The following MAGEB3 variants were observed in gnomAD, a reference collection of about 807,000 sequenced individuals.
The protein encoded by MAGEB3 is MAGE family member B3, also known as melanoma-associated antigen B3.
For missense variants in MAGEB3, 191 were observed against 262.4 expected (o/e 0.73, Z 1.88); for synonymous variants, 91 against 93.0 (o/e 0.98, Z 0.12).
chrX:30,234,442 G>A (rs1601961601), intron 4 of MAGEB3, among the ~76,000 whole-genome samples: 1 of 110,855 alleles, frequency 9.0e-6, no homozygotes, highest in South Asian at 3.9e-4. Flanking sequence ...GAGGGGCACG[G>A]GATCTCTTCG....
At chrX:30,232,578 G>A (rs1244199697) in intron 2 of MAGEB3, among the ~76,000 whole-genome samples, 13 of 104,654 alleles carry the variant, frequency 1.2e-4, no homozygotes, top group Non-Finnish European at 5.9e-5. Flanking sequence ...CCAAGGTCAC[G>A]CCACTGCGCT....
chrX:30,235,769 C>G (rs1924957538), intron 4 of MAGEB3, 95 bp from the exon 5 acceptor site: 2 of 450,778 alleles, frequency 4.4e-6, no homozygotes, highest in South Asian at 3.7e-5. Flanking sequence ...GAGCAGTGCT[C>G]TCACAGAAAA....
rs150723962 is a variant in MAGEB3 at position 30,236,491 on chromosome X, T to C, written c.567T>C (p.Asn189=). 4.4e-4 allele frequency: 532 copies of C among 1,210,241 alleles called. No homozygotes were observed. Among genetic ancestry groups the C allele is most frequent in the Non-Finnish European group, 5.7e-4 (507 of 895,064 alleles). The part of the protein sequence containing the change: ...VLVSKMDLPN[N]GTVTRGRGFP... ...TCAGCAAAATGGATCTCCCCAACAA[T>C]GGGACAGTGACTCGTGGGAGGGGAT... Residue 189 remains asparagine (N), a synonymous_variant, in exon 5 of 5, where the codon AAT becomes AAC. Coordinates refer to ENST00000361644, the MANE Select transcript of MAGEB3 (RefSeq NM_002365.5).
chrX:30,232,860 T>G lies in MAGEB3; in HGVS notation c.-220T>G, dbSNP rs1393247805. 9.1e-6 allele frequency: 1 copy of G among 110,355 alleles called. No individual in the cohort carries two copies. Among genetic ancestry groups the G allele is most frequent in the Non-Finnish European group, 1.9e-5 (1 of 52,797 alleles). The allele number at this position is 110,355 out of a possible 1,213,427, so 9.1% of individuals were successfully genotyped here. A position where few individuals can be genotyped will look rare whatever the true frequency, so the allele number is the denominator to read the frequency against. ...GTGGCTCACGCTTGTAATCCCAACA[T>G]TTTGGGCGGAGGAAGCCAGCCTCAT... On this transcript the variant is annotated 5_prime_UTR_variant, in exon 3 of 5. Coordinates refer to ENST00000361644, the MANE Select transcript of MAGEB3 (RefSeq NM_002365.5).
chrX:30,236,835 A>T lies in MAGEB3; in HGVS notation c.911A>T (p.Gln304Leu), dbSNP rs1321976299. The T allele has an allele frequency of 2.5e-6, 3 of 1,210,379 alleles. No homozygotes were observed. The highest frequency in any genetic ancestry group is 3.5e-5 in the African/African-American group (2 of 57,254). Residue 304 changes from glutamine (Q) to leucine (L), a missense_variant, in exon 5 of 5, where the codon CAG becomes CTG. Physicochemically the swap from Gln to Leu is moderately radical, Grantham distance 113. Transcript: ENST00000361644. ...AATAAAACTGTCCCCAGTGCGTTCC[A>T]GTTCTGGTATGAAGAGGCTTTGAGA... Reference protein sequence around the residue: ...KVNKTVPSAFQFWYEEALRDE... With the variant: ...KVNKTVPSAFLFWYEEALRDE...
chrX:30,232,572 G>A (rs1463285430), intron 2 of MAGEB3, among the ~76,000 whole-genome samples: 1 of 105,353 alleles, frequency 9.5e-6, no homozygotes, highest in Non-Finnish European at 2.0e-5. Context: ...AGTGAGCCAA[G>A]GTCACGCCAC....
In MAGEB3 at chrX:30,236,992, G is replaced by T. The variant is rs753044248; in HGVS notation, c.*27G>T. 8.8e-6 allele frequency: 10 copies of T among 1,136,022 alleles called. No individual in the cohort carries two copies. In the African/African-American group the frequency reaches 1.6e-4, roughly 18 times the overall value. 93.6% of individuals were successfully genotyped at this position (1,136,022 alleles called of 1,213,427 possible). A position where few individuals can be genotyped will look rare whatever the true frequency, so the allele number is the denominator to read the frequency against. The stretch of plus-strand genomic sequence containing the variant: ...GAAGTTGAAGCAAATTTTGCATTTT[G>T]TGGTTAAAGAGGGCAGTCACTGTTC... On this transcript the variant is annotated 3_prime_UTR_variant, in exon 5 of 5. Coordinates refer to ENST00000361644, the MANE Select transcript of MAGEB3 (RefSeq NM_002365.5).
At chrX:30,232,068 G>A (rs980346588) in intron 2 of MAGEB3, among the ~76,000 whole-genome samples, 17 of 112,434 alleles carry the variant, frequency 1.5e-4, no homozygotes, top group Non-Finnish European at 3.0e-4. Flanking sequence ...AAGTGAGGCA[G>A]TTGGCCTGAC....
At chrX:30,235,324 G>A (rs1924945454) in intron 4 of MAGEB3, among the ~76,000 whole-genome samples, 1 of 111,397 alleles carries the variant, frequency 9.0e-6, no homozygotes, top group African/African-American at 3.3e-5. Flanking sequence ...AGCTGTCCTA[G>A]GTCCTATCTA....
At position 30,236,193 on chromosome X, in the gene MAGEB3, T is replaced by C. The variant is rs187371545; in HGVS notation, c.269T>C (p.Ile90Thr). The stretch of plus-strand genomic sequence containing the variant: ...TCATACAAGGGAGCCAACAGCAAAA[T>C]TGAGAAAAAGCAAAGCTTCTCTCAG... ...KKSYKGANSK[I>T]EKKQSFSQGL... Residue 90 changes from isoleucine (I) to threonine (T), a missense_variant, in exon 5 of 5, where the codon ATT becomes ACT. By Grantham distance (89) the Ile-to-Thr change is moderately conservative (BLOSUM62 -1). Coordinates refer to ENST00000361644, the MANE Select transcript of MAGEB3 (RefSeq NM_002365.5). 36 of 1,209,003 alleles carry C rather than the reference T, an allele frequency of 3.0e-5. 1 individual carries two copies. The East Asian group carries it at 4.7e-4, about 16-fold the overall frequency.
intron 2 of MAGEB3, among the ~76,000 whole-genome samples, chrX:30,232,169 G>A (rs1303582860): frequency 2.7e-5 from 3 of 111,934 alleles, no homozygotes; most frequent in African/African-American, 6.5e-5. Flanking sequence ...GGGACTGAAG[G>A]GACAATCCAT....
chrX:30,234,082 A>T (rs1297235262), intron 4 of MAGEB3, among the ~76,000 whole-genome samples: 2 of 110,427 alleles, frequency 1.8e-5, no homozygotes, highest in East Asian at 2.9e-4. Flanking sequence ...ATTTATTTTT[A>T]TTTTTTTTCA....
At chrX:30,234,221 G>A (rs766285919) in intron 4 of MAGEB3, among the ~76,000 whole-genome samples, 2 of 110,536 alleles carry the variant, frequency 1.8e-5, no homozygotes, top group African/African-American at 6.6e-5. Flanking sequence ...GGAGGTTGGC[G>A]AACTCAGGTC....
chrX:30,236,500 G>A lies in MAGEB3; in HGVS notation c.576G>A (p.Val192=). ...TGGATCTCCCCAACAATGGGACAGT[G>A]ACTCGTGGGAGGGGATTTCCCAAGA... The part of the protein sequence containing the change: ...SKMDLPNNGT[V]TRGRGFPKTG... Residue 192 remains valine (V), a synonymous_variant, in exon 5 of 5, where the codon GTG becomes GTA. Coordinates refer to ENST00000361644, the MANE Select transcript of MAGEB3 (RefSeq NM_002365.5). The A allele has an allele frequency of 3.3e-6, 4 of 1,211,710 alleles. No individual in the cohort carries two copies. Among genetic ancestry groups the A allele is most frequent in the Non-Finnish European group, 4.5e-6 (4 of 895,284 alleles).
chrX:30,236,010 A>G lies in MAGEB3; in HGVS notation c.86A>G (p.Gln29Arg). The change falls in exon 5 of 5, where the codon CAG becomes CGG. Residue 29 changes from glutamine to arginine, a missense_variant. By Grantham distance (43) the Gln-to-Arg change is conservative. Transcript: ENST00000361644. Reference protein sequence around the residue: ...RGQTQDHQGAQITATNKKKVS... With the variant: ...RGQTQDHQGARITATNKKKVS... Reference sequence around the variant, plus strand: ...CAGACCCAGGATCACCAGGGTGCTCAGATCACTGCAACTAACAAGAAAAAA... The same window carrying G: ...CAGACCCAGGATCACCAGGGTGCTCGGATCACTGCAACTAACAAGAAAAAA... 8.3e-7 allele frequency: 1 copy of G among 1,211,040 alleles called. No homozygotes were observed. The highest frequency in any genetic ancestry group is 1.1e-6 in the Non-Finnish European group (1 of 894,911).
At position 30,236,495 on chromosome X, in the gene MAGEB3, A is replaced by T; in HGVS notation, c.571A>T (p.Thr191Ser). ...VSKMDLPNNG[T>S]VTRGRGFPKT... ...CAAAATGGATCTCCCCAACAATGGGACAGTGACTCGTGGGAGGGGATTTCC... is the reference window on the plus strand; with the variant it reads ...CAAAATGGATCTCCCCAACAATGGGTCAGTGACTCGTGGGAGGGGATTTCC... Residue 191 changes from threonine (T) to serine (S), a missense_variant, in exon 5 of 5, where the codon ACA becomes TCA. Physicochemically the swap from Thr to Ser is moderately conservative, Grantham distance 58. Coordinates refer to ENST00000361644, the MANE Select transcript of MAGEB3 (RefSeq NM_002365.5). 8.3e-7 allele frequency: 1 copy of T among 1,211,786 alleles called. No individual in the cohort carries two copies. The highest frequency in any genetic ancestry group is 3.0e-5 in the East Asian group (1 of 33,849).
intron 4 of MAGEB3, among the ~76,000 whole-genome samples, chrX:30,233,982 T>C (rs1366233684): frequency 8.9e-6 from 1 of 112,416 alleles, no homozygotes; most frequent in Non-Finnish European, 1.9e-5. Context: ...AAGGATGGGA[T>C]CTGTTCCCAG....
chrX:30,230,829 A>T lies in MAGEB3; in HGVS notation c.-356+12A>T, dbSNP rs1268578668. The T allele has an allele frequency of 9.0e-6, 1 of 111,654 alleles. No homozygotes were observed. The highest frequency in any genetic ancestry group is 9.5e-5 in the Admixed American group (1 of 10,538). 9.2% of individuals were successfully genotyped at this position (111,654 alleles called of 1,213,427 possible). On this transcript the variant is annotated intron_variant, in intron 1 of 4. Coordinates refer to ENST00000361644, the MANE Select transcript of MAGEB3 (RefSeq NM_002365.5). ...AGTGAGGTTCTTGAGTGAGTAAAAA[A>T]GGGAAAACTAAACCCACAAATAAGG...
intron 4 of MAGEB3, 91 bp from the exon 5 acceptor site, chrX:30,235,773 C>A (rs2147338738): frequency 4.4e-6 from 2 of 453,035 alleles, no homozygotes; most frequent in Admixed American, 4.2e-5. Context: ...AGTGCTCTCA[C>A]AGAAAACTGC....
Sources: gnomAD v4.1 joint callset for allele counts (sites outside exome capture counted in the v4.1 genomes callset) on GRCh38, gnomAD v4.1.1 for gene constraint, MANE v1.5 for transcripts, NCBI Gene and HGNC (gene_info 2026-07-23, HGNC 2026-07-21) for gene names.